TSPAN2: variants seen among roughly 807,000 people sequenced by gnomAD.
The protein encoded by TSPAN2 is tetraspanin 2.
In TSPAN2, 24 loss-of-function variants were observed where a neutral mutation model predicts 33.3. The ratio of observed to expected loss-of-function variants is 0.72; its 90% CI spans 0.52 to 1.01. TSPAN2 has a LOEUF of 1.01. TSPAN2 is among the 50% of genes least tolerant of loss of function. TSPAN2 has a pLI of 0.00. For synonymous variants in TSPAN2, 114 were observed against 104.5 expected (o/e 1.09, Z -0.56); for missense variants, 278 against 281.3 (o/e 0.99, Z 0.08).
In TSPAN2 at chr1:115,050,171, T is replaced by C; in HGVS notation, c.*319A>G. The C allele has an allele frequency of 3.6e-6, 1 of 278,590 alleles. No individual in the cohort carries two copies. The highest frequency in any genetic ancestry group is 4.6e-5 in the South Asian group (1 of 21,826). The allele number at this position is 278,590 out of a possible 1,614,324, so 17.3% of individuals were successfully genotyped here. On this transcript the variant is annotated 3_prime_UTR_variant, in exon 8 of 8. Coordinates refer to ENST00000369516, the MANE Select transcript of TSPAN2 (RefSeq NM_005725.6). Reference sequence around the variant, plus strand: ...AAGTTTCTGAAAGCTCTTTGATCTTTTTTTTCTGGGAGCGAAATAGGTTGT... The same window carrying C: ...AAGTTTCTGAAAGCTCTTTGATCTTCTTTTTCTGGGAGCGAAATAGGTTGT...
chr1:115,077,407 G>C (rs2101043824), intron 1 of TSPAN2, among the ~76,000 whole-genome samples: 1 of 152,230 alleles, frequency 6.6e-6, no homozygotes, highest in African/African-American at 2.4e-5. Context: ...TTAAATAGGG[G>C]ATCATCACAT....
intron 2 of TSPAN2, among the ~76,000 whole-genome samples, chr1:115,062,879 A>T (rs1179579331): frequency 6.6e-6 from 1 of 152,058 alleles, no homozygotes; most frequent in Non-Finnish European, 1.5e-5. Flanking sequence ...TTGCGGGCAG[A>T]TCTGGCAGTT....
intron 2 of TSPAN2, among the ~76,000 whole-genome samples, chr1:115,063,825 T>C (rs1647823174): frequency 6.6e-6 from 1 of 152,200 alleles, no homozygotes; most frequent in African/African-American, 2.4e-5. Flanking sequence ...AAATACCGCA[T>C]GTTCTCACTT....
chr1:115,070,343 AT>A (rs1648117227), intron 2 of TSPAN2, among the ~76,000 whole-genome samples: 1 of 145,086 alleles, frequency 6.9e-6, no homozygotes, highest in African/African-American at 2.5e-5. Flanking sequence ...TTATACCCTA[AT>A]TTGTCCGGCC....
chr1:115,067,451 C>T (rs1367600136), intron 2 of TSPAN2, among the ~76,000 whole-genome samples: 2 of 152,090 alleles, frequency 1.3e-5, no homozygotes, highest in Non-Finnish European at 1.5e-5. Flanking sequence ...TTGTCTATTC[C>T]AACTTCTTAT....
chr1:115,068,002 G>A (rs1255575476), intron 2 of TSPAN2, among the ~76,000 whole-genome samples: 3 of 152,190 alleles, frequency 2.0e-5, no homozygotes, highest in Non-Finnish European at 2.9e-5. Context: ...AGAGACTAGC[G>A]TGGACAAGGT....
chr1:115,062,812 C>G (rs1647786848), intron 2 of TSPAN2, among the ~76,000 whole-genome samples: 1 of 152,172 alleles, frequency 6.6e-6, no homozygotes, highest in Non-Finnish European at 1.5e-5. Flanking sequence ...TGTGGGGAAC[C>G]CCTGGGCCTG....
intron 7 of TSPAN2, among the ~76,000 whole-genome samples, chr1:115,051,674 A>C (rs1336771431): frequency 6.6e-6 from 1 of 152,168 alleles, no homozygotes; most frequent in Non-Finnish European, 1.5e-5. Flanking sequence ...CCTAAGTCAG[A>C]CTAGGATCTG....
intron 2 of TSPAN2, among the ~76,000 whole-genome samples, chr1:115,063,793 A>T (rs181674710): frequency 6.8e-4 from 103 of 152,298 alleles, no homozygotes; most frequent in Admixed American, 2.4e-3. Flanking sequence ...TCCTAAGCAA[A>T]CTATCACAGG....
At chr1:115,066,215 G>A (rs138812966) in intron 2 of TSPAN2, among the ~76,000 whole-genome samples, 2 of 152,310 alleles carry the variant, frequency 1.3e-5, no homozygotes, top group East Asian at 3.9e-4. Context: ...ACATGGGAGT[G>A]CAGATGTCTC....
At chr1:115,056,760 G>A (rs1430204624) in intron 6 of TSPAN2, among the ~76,000 whole-genome samples, 2 of 152,156 alleles carry the variant, frequency 1.3e-5, no homozygotes, top group African/African-American at 4.8e-5. Context: ...TGCAATGCAA[G>A]CTCCTTGTGA....
At chr1:115,062,482 G>A (rs968213197) in intron 2 of TSPAN2, among the ~76,000 whole-genome samples, 1 of 152,204 alleles carries the variant, frequency 6.6e-6, no homozygotes, top group African/African-American at 2.4e-5. Flanking sequence ...CCAACACTCC[G>A]ACTCTGTCTT....
intron 2 of TSPAN2, among the ~76,000 whole-genome samples, chr1:115,066,236 T>C (rs1367844112): frequency 6.6e-6 from 1 of 152,232 alleles, no homozygotes; most frequent in Admixed American, 6.5e-5. Context: ...TTTGATTTAC[T>C]GATTTCCTTT....
chr1:115,051,974 AC>A (rs1396913256), intron 7 of TSPAN2, among the ~76,000 whole-genome samples: 1 of 152,168 alleles, frequency 6.6e-6, no homozygotes, highest in Admixed American at 6.5e-5. Context: ...TGTAATCCCT[AC>A]CCATCCTGGT....
intron 3 of TSPAN2, 61 bp from the exon 4 acceptor site, chr1:115,060,599 G>T: frequency 1.4e-6 from 2 of 1,379,882 alleles, no homozygotes; most frequent in Non-Finnish European, 2.0e-6. Flanking sequence ...TATATATTTT[G>T]CACCTTAGTT....
At chr1:115,074,427 A>C (rs1648315352) in intron 1 of TSPAN2, among the ~76,000 whole-genome samples, 1 of 152,190 alleles carries the variant, frequency 6.6e-6, no homozygotes, top group Admixed American at 6.5e-5. Flanking sequence ...TCAGAGGGGC[A>C]GAATTCTACC....
At chr1:115,083,160 T>C (rs1419236587) in intron 1 of TSPAN2, among the ~76,000 whole-genome samples, 1 of 152,218 alleles carries the variant, frequency 6.6e-6, no homozygotes. Context: ...TTAGCAACCA[T>C]GACATGATTT....
chr1:115,065,787 A>G (rs1350046800), intron 2 of TSPAN2, among the ~76,000 whole-genome samples: 2 of 152,208 alleles, frequency 1.3e-5, no homozygotes, highest in African/African-American at 4.8e-5. Flanking sequence ...ACTTTGAAAT[A>G]TATAAAAATT....
Position 115,056,724 on chromosome 1 carries a change from C to T in TSPAN2, c.516+813G>A, listed in dbSNP as rs117936689. 9.0e-3 allele frequency among the ~76,000 whole-genome samples: 1,364 copies of T among 152,240 alleles called. 59 individuals are homozygous for T. In the East Asian group the frequency reaches 0.1, roughly 11 times the overall value. ...ATTCCTAATCACTGGACCGTATGGA[C>T]TTCATGTTCATCCCTCCTATCAGAC... On this transcript the variant is annotated intron_variant, in intron 6 of 7. Transcript: ENST00000369516.
Sources: allele counts gnomAD v4.1 joint callset (sites outside exome capture counted in the v4.1 genomes callset), GRCh38; gene constraint gnomAD v4.1.1; transcripts MANE v1.5; gene names NCBI Gene and HGNC (gene_info 2026-07-23, HGNC 2026-07-21).